The following SMG6 variants were observed in gnomAD, a reference collection of about 807,000 sequenced individuals.
The protein encoded by SMG6 is SMG6 nonsense mediated mRNA decay factor.
SMG6 carries 66 observed loss-of-function variants against 142.2 expected under a neutral mutation model. The observed-to-expected ratio is 0.46, with a 90% CI of 0.38 to 0.57. The LOEUF (loss-of-function observed/expected upper bound fraction) is 0.57. SMG6 is among the 20% of genes least tolerant of loss of function. The probability of loss-of-function intolerance (pLI) is 0.00; values close to 1 mark genes in which losing one functional copy is unlikely to be tolerated. For synonymous variants in SMG6, 779 were observed against 702.4 expected (o/e 1.11, Z -1.72); for missense variants, 1,793 against 1,832.0 (o/e 0.98, Z 0.39).
rs2071307940 is a variant in SMG6 at position 2,165,462 on chromosome 17, C to T, written c.3357+7196G>A. On this transcript the variant is annotated intron_variant, in intron 13 of 18. Coordinates refer to ENST00000263073, the MANE Select transcript of SMG6 (RefSeq NM_017575.5). The stretch of plus-strand genomic sequence containing the variant: ...TATAGCTTATTCTTTATCCAAAATG[C>T]CTGGGACCAGAAGTGTTTCAGATTT... Among the ~76,000 whole-genome samples the T allele has an allele frequency of 2.0e-5, 3 of 152,326 alleles. No individual in the cohort carries two copies. The South Asian group carries it at 6.2e-4, about 32-fold the overall frequency.
intron 13 of SMG6, among the ~76,000 whole-genome samples, chr17:2,134,551 T>C (rs1341445614): frequency 1.3e-5 from 2 of 150,602 alleles, no homozygotes; most frequent in Non-Finnish European, 2.9e-5. Flanking sequence ...AATGAAACAC[T>C]GAGATTGGAA....
intron 10 of SMG6, among the ~76,000 whole-genome samples, chr17:2,235,014 G>A (rs1567705938): frequency 6.6e-6 from 1 of 152,206 alleles, no homozygotes; most frequent in East Asian, 1.9e-4. Context: ...TTTAGTGGGA[G>A]ATGGGAATGA....
At chr17:2,132,937 A>G (rs573068371) in intron 13 of SMG6, among the ~76,000 whole-genome samples, 56 of 152,160 alleles carry the variant, frequency 3.7e-4, no homozygotes, top group Non-Finnish European at 7.9e-4. Flanking sequence ...ACGTGCTACC[A>G]TGTCTGGCTA....
chr17:2,076,030 A>G (rs1164117688), intron 15 of SMG6, among the ~76,000 whole-genome samples: 1 of 152,206 alleles, frequency 6.6e-6, no homozygotes, highest in Non-Finnish European at 1.5e-5. Context: ...AGAAGAGCTT[A>G]GGCGGCCCAG....
At chr17:2,297,054 A>T (rs2151407830) in intron 4 of SMG6, among the ~76,000 whole-genome samples, 189 bp downstream of exon 4, 2 of 151,720 alleles carry the variant, frequency 1.3e-5, no homozygotes, top group East Asian at 3.9e-4. Context: ...AAGGCTGGGG[A>T]GCACTGCTAT....
intron 13 of SMG6, among the ~76,000 whole-genome samples, chr17:2,104,315 C>T (rs1293351867): frequency 2.6e-5 from 4 of 152,076 alleles, no homozygotes; most frequent in East Asian, 1.9e-4. Flanking sequence ...AGGCAGGTCA[C>T]GAATTCCTGA....
chr17:2,116,481 T>C (rs1370006679), intron 13 of SMG6, among the ~76,000 whole-genome samples: 2 of 152,170 alleles, frequency 1.3e-5, no homozygotes, highest in African/African-American at 4.8e-5. Flanking sequence ...CCCAGCACTT[T>C]GGGAGGCTGA....
At chr17:2,204,364 G>C (rs911902244) in intron 10 of SMG6, among the ~76,000 whole-genome samples, 4 of 152,112 alleles carry the variant, frequency 2.6e-5, no homozygotes, top group Non-Finnish European at 1.5e-5. Flanking sequence ...TGGTTACCTT[G>C]TGAATATCCA....
At chr17:2,153,969 G>A in intron 13 of SMG6, among the ~76,000 whole-genome samples, 1 of 140,190 alleles carries the variant, frequency 7.1e-6, no homozygotes, top group African/African-American at 2.7e-5. Context: ...TGGGGAACCT[G>A]GGGATGCATG....
chr17:2,141,034 G>A (rs1232144886), intron 13 of SMG6, among the ~76,000 whole-genome samples: 1 of 152,178 alleles, frequency 6.6e-6, no homozygotes, highest in Non-Finnish European at 1.5e-5. Context: ...CCAGGAGAAT[G>A]ATCTAGAATT....
At chr17:2,236,669 CCTCT>C (rs1337786104) in intron 9 of SMG6, 32 bp from the exon 10 acceptor site, 1 of 1,590,806 alleles carries the variant, frequency 6.3e-7, no homozygotes, top group Non-Finnish European at 8.6e-7. Context: ...CAATGAGGCA[CCTCT>C]CTCTTTCAGT....
intron 10 of SMG6, among the ~76,000 whole-genome samples, chr17:2,192,053 C>T (rs760752997): frequency 6.6e-6 from 1 of 152,218 alleles, no homozygotes; most frequent in Non-Finnish European, 1.5e-5. Flanking sequence ...AGTATGTGTG[C>T]GACGGTGCTG....
intron 9 of SMG6, 137 bp from the exon 10 acceptor site, chr17:2,236,774 A>C: frequency 7.4e-7 from 1 of 1,346,894 alleles, no homozygotes; most frequent in Non-Finnish European, 9.5e-7. Context: ...TGCCTAGGAC[A>C]TTTCTTTGCT....
chr17:2,268,039 A>G (rs1224482222), intron 8 of SMG6, among the ~76,000 whole-genome samples: 1 of 151,888 alleles, frequency 6.6e-6, no homozygotes, highest in African/African-American at 2.4e-5. Context: ...GAGCCACTGC[A>G]CCCAGCCTTA....
chr17:2,067,562 C>T (rs1202009824), intron 16 of SMG6, among the ~76,000 whole-genome samples: 1 of 152,196 alleles, frequency 6.6e-6, no homozygotes, highest in African/African-American at 2.4e-5. Context: ...GATGGTTCTG[C>T]TGCCCTGCCT....
chr17:2,085,919 G>C lies in SMG6; in HGVS notation c.3358-18C>G. On this transcript the variant is annotated intron_variant, in intron 13 of 18. Coordinates refer to ENST00000263073, the MANE Select transcript of SMG6 (RefSeq NM_017575.5). This position sits in a 1 kb window ranked among gnomAD's most constrained non-coding sequence, Gnocchi z 4.1. ...GCAATAACCTACAGGGTGAGAGGGAGAGAAGAAAAACAGCATTTTCTGAAA... is the reference window on the plus strand; with the variant it reads ...GCAATAACCTACAGGGTGAGAGGGACAGAAGAAAAACAGCATTTTCTGAAA... 1 of 1,612,016 alleles carries C rather than the reference G, an allele frequency of 6.2e-7. No homozygotes were observed. Among genetic ancestry groups the C allele is most frequent in the Non-Finnish European group, 8.5e-7 (1 of 1,179,090 alleles).
At chr17:2,180,297 C>T (rs1004548531) in intron 12 of SMG6, among the ~76,000 whole-genome samples, 10 of 152,216 alleles carry the variant, frequency 6.6e-5, no homozygotes, top group African/African-American at 2.4e-4. Flanking sequence ...ACCCAGCACT[C>T]TACATTGACT....
intron 9 of SMG6, chr17:2,237,532 G>A: frequency 1.0e-6 from 1 of 985,466 alleles, no homozygotes; most frequent in Non-Finnish European, 1.2e-6. Context: ...TTCTTCGTGT[G>A]TTGCCGTCCT....
At chr17:2,110,707 T>G (rs1396031597) in intron 13 of SMG6, among the ~76,000 whole-genome samples, 1 of 152,018 alleles carries the variant, frequency 6.6e-6, no homozygotes, top group African/African-American at 2.4e-5. Context: ...AACAACAGTC[T>G]CCCCAGCCAA....
Sources: allele counts gnomAD v4.1 joint callset (sites outside exome capture counted in the v4.1 genomes callset), GRCh38; gene constraint gnomAD v4.1.1; non-coding constraint Gnocchi (gnomAD v3.1); transcripts MANE v1.5; gene names NCBI Gene and HGNC (gene_info 2026-07-23, HGNC 2026-07-21).